Variants in LSAMP observed in about 807,000 individuals in gnomAD.
LSAMP encodes the protein limbic system-associated membrane protein.
LSAMP carries 7 observed loss-of-function variants against 38.6 expected under a neutral mutation model. The ratio of observed to expected loss-of-function variants is 0.18; its 90% CI spans 0.10 to 0.34. The LOEUF (loss-of-function observed/expected upper bound fraction) is 0.34. LSAMP is among the 10% of genes least tolerant of loss of function. The probability of loss-of-function intolerance (pLI) is 1.00; values close to 1 mark genes in which losing one functional copy is unlikely to be tolerated. For synonymous variants in LSAMP, 154 were observed against 166.8 expected (o/e 0.92, Z 0.59); for missense variants, 313 against 420.0 (o/e 0.75, Z 2.23).
chr3:116,306,653 A>G (rs150336503), intron 1 of LSAMP, among the ~76,000 whole-genome samples: 1 of 152,136 alleles, frequency 6.6e-6, no homozygotes, highest in East Asian at 1.9e-4. Flanking sequence ...TCCAGATTCC[A>G]CAGCTGCAGG....
chr3:116,132,453 T>C (rs1312331709), intron 1 of LSAMP, among the ~76,000 whole-genome samples: 4 of 152,148 alleles, frequency 2.6e-5, no homozygotes, highest in Non-Finnish European at 5.9e-5. Flanking sequence ...TGAGGGATTA[T>C]TTGTAATAAG....
chr3:116,193,891 CA>C (rs1005829748), intron 1 of LSAMP, among the ~76,000 whole-genome samples: 1 of 152,164 alleles, frequency 6.6e-6, no homozygotes, highest in African/African-American at 2.4e-5. Flanking sequence ...ACCACATCAT[CA>C]CCAGCTCTAC....
At chr3:115,981,525 AT>A (rs1455673400) in intron 3 of LSAMP, among the ~76,000 whole-genome samples, 1 of 152,100 alleles carries the variant, frequency 6.6e-6, no homozygotes, top group Non-Finnish European at 1.5e-5. Flanking sequence ...TTATTTTATA[AT>A]CATATTACAT....
rs1310450369 is a variant in LSAMP, at chr3:115,997,763, T to C, written c.514+21752A>G. Among the ~76,000 whole-genome samples the C allele has an allele frequency of 3.4e-3, 443 of 129,602 alleles. 5 individuals carry two copies. Among genetic ancestry groups the C allele is most frequent in the African/African-American group, 0.011 (398 of 35,922 alleles). 85.0% of individuals were successfully genotyped at this position (129,602 alleles called of 152,430 possible). A position where few individuals can be genotyped will look rare whatever the true frequency, so the allele number is the denominator to read the frequency against. Reference sequence around the variant, plus strand: ...ATATATATATATATATACACACACATACATACACACACATATATTTAAATA... The same window carrying C: ...ATATATATATATATATACACACACACACATACACACACATATATTTAAATA... On this transcript the variant is annotated intron_variant, in intron 3 of 6. Transcript: ENST00000490035.
At chr3:115,877,226 G>T (rs1291188756) in intron 3 of LSAMP, among the ~76,000 whole-genome samples, 1 of 151,846 alleles carries the variant, frequency 6.6e-6, no homozygotes, top group East Asian at 1.9e-4. Context: ...CAAGAGAAAA[G>T]CTGAAATATC....
At chr3:115,856,550 C>A (rs1262998321) in intron 3 of LSAMP, among the ~76,000 whole-genome samples, 1 of 150,986 alleles carries the variant, frequency 6.6e-6, no homozygotes, top group Admixed American at 6.6e-5. Context: ...ACCTGGGAGG[C>A]GGAGGTTGCA....
At chr3:115,831,757 C>T (rs1241591406) in intron 6 of LSAMP, among the ~76,000 whole-genome samples, 2 of 152,020 alleles carry the variant, frequency 1.3e-5, no homozygotes, top group African/African-American at 2.4e-5. Flanking sequence ...ATAAATAAAC[C>T]TAAATTAAAA....
intron 1 of LSAMP, among the ~76,000 whole-genome samples, chr3:116,203,976 G>A (rs1031708561): frequency 4.9e-4 from 74 of 152,136 alleles, no homozygotes; most frequent in Admixed American, 1.8e-3. Context: ...GAATCGCCAC[G>A]CTGACTTCAA....
At chr3:116,394,598 G>C (rs1048950067) in intron 1 of LSAMP, among the ~76,000 whole-genome samples, 1 of 152,090 alleles carries the variant, frequency 6.6e-6, no homozygotes, top group African/African-American at 2.4e-5. Flanking sequence ...CCCTCATTAT[G>C]CTCACTTTCC....
At chr3:116,070,276 C>T (rs531381263) in intron 2 of LSAMP, among the ~76,000 whole-genome samples, 2 of 152,214 alleles carry the variant, frequency 1.3e-5, no homozygotes, top group South Asian at 2.1e-4. Flanking sequence ...GAGAGACTTA[C>T]TGAAAGCTTA....
intron 1 of LSAMP, among the ~76,000 whole-genome samples, chr3:116,224,946 A>C (rs1236935057): frequency 6.6e-6 from 1 of 152,218 alleles, no homozygotes; most frequent in Non-Finnish European, 1.5e-5. Context: ...TAATGAATCT[A>C]CATATTTTGA....
At chr3:116,331,945 C>T (rs373565822) in intron 1 of LSAMP, among the ~76,000 whole-genome samples, 15 of 152,050 alleles carry the variant, frequency 9.9e-5, no homozygotes, top group African/African-American at 3.6e-4. Flanking sequence ...TCAAAAAGTC[C>T]TCTCACCTCA....
At chr3:115,972,435 T>A (rs1460132242) in intron 3 of LSAMP, among the ~76,000 whole-genome samples, 1 of 151,994 alleles carries the variant, frequency 6.6e-6, no homozygotes. Context: ...TAGTGTCTAA[T>A]GTCATTATTA....
At chr3:115,950,715 T>A (rs1938254165) in intron 3 of LSAMP, among the ~76,000 whole-genome samples, 2 of 140,496 alleles carry the variant, frequency 1.4e-5, no homozygotes, top group South Asian at 4.4e-4. Flanking sequence ...AATACCATCA[T>A]AATTACTCAC....
chr3:116,251,758 AATTTT>A (rs10575735), intron 1 of LSAMP, among the ~76,000 whole-genome samples: 116,874 of 151,756 alleles, frequency 0.77, 45,586 homozygotes, highest in Non-Finnish European at 0.84. Context: ...CAAATATTTT[AATTTT>A]ATCTTATGAA....
chr3:116,150,482 C>T (rs1314590201), intron 1 of LSAMP, among the ~76,000 whole-genome samples: 1 of 151,906 alleles, frequency 6.6e-6, no homozygotes, highest in Non-Finnish European at 1.5e-5. Context: ...TAAATGTCTG[C>T]TTCAGGTGAA....
chr3:115,986,173 C>T (rs1279556816), intron 3 of LSAMP, among the ~76,000 whole-genome samples: 4 of 152,048 alleles, frequency 2.6e-5, no homozygotes, highest in Non-Finnish European at 5.9e-5. Context: ...GCCAATGAAA[C>T]CTCTTAGTTG....
intron 1 of LSAMP, among the ~76,000 whole-genome samples, chr3:116,260,067 G>T (rs973453322): frequency 3.3e-5 from 5 of 152,034 alleles, no homozygotes; most frequent in Admixed American, 3.3e-4. Flanking sequence ...CCAAGATTTG[G>T]TATTTGCCTC....
At chr3:116,057,967 A>ACACACACACACCCC (rs1553699984) in intron 2 of LSAMP, among the ~76,000 whole-genome samples, 22 of 147,544 alleles carry the variant, frequency 1.5e-4, no homozygotes, top group Middle Eastern at 3.2e-3. Flanking sequence ...CCACACACAC[A>ACACACACACACCCC]CACACACACA....
Sources: allele counts gnomAD v4.1 joint callset (sites outside exome capture counted in the v4.1 genomes callset), GRCh38; gene constraint gnomAD v4.1.1; transcripts MANE v1.5; gene names NCBI Gene and HGNC (gene_info 2026-07-23, HGNC 2026-07-21).